Variants in SHTN1 observed in about 807,000 individuals in gnomAD.
SHTN1 encodes the protein shootin-1.
A neutral mutation model predicts 83.1 loss-of-function variants in SHTN1; 42 were observed. The ratio of observed to expected loss-of-function variants is 0.51; its 90% CI spans 0.39 to 0.65. SHTN1 has a LOEUF of 0.65. Ranked by LOEUF, SHTN1 falls within the 30% of genes least tolerant of loss-of-function variation. SHTN1 has a pLI of 0.00. For synonymous variants in SHTN1, 224 were observed against 247.7 expected, an observed-to-expected ratio of 0.90 and a Z score of 0.90; for missense variants, 622 against 737.8, an observed-to-expected ratio of 0.84 and a Z score of 1.82.
At chr10:116,893,807 T>C (rs755973844) in intron 16 of SHTN1, among the ~76,000 whole-genome samples, 5 of 152,196 alleles carry the variant, frequency 3.3e-5, no homozygotes, top group Non-Finnish European at 5.9e-5. Flanking sequence ...GAGAGAATAA[T>C]TTTATGCCAA....
At chr10:117,120,862 T>C (rs948351963) in intron 1 of SHTN1, among the ~76,000 whole-genome samples, 9 of 151,102 alleles carry the variant, frequency 6.0e-5, no homozygotes, top group African/African-American at 2.2e-4. Flanking sequence ...CAGGCTGAAG[T>C]ACAGTGGCAC....
At chr10:116,981,361 T>A (rs761734729) in intron 1 of SHTN1, among the ~76,000 whole-genome samples, 6 of 152,126 alleles carry the variant, frequency 3.9e-5, no homozygotes, top group Non-Finnish European at 8.8e-5. Flanking sequence ...AGAAAAAGAT[T>A]TGACTGACCT....
chr10:116,934,277 TA>T lies in SHTN1; in HGVS notation c.859-4276del, dbSNP rs1196692181. 2.0e-5 allele frequency among the ~76,000 whole-genome samples: 3 copies of T among 152,210 alleles called. No homozygotes were observed. The East Asian group carries it at 5.8e-4, about 29-fold the overall frequency. Reference sequence around the variant, plus strand: ...GAATGGTATTGCCTAGATTTTCTCCTAGGGTTTTTATGGTTTTAGGTCTTAC... The same window carrying T: ...GAATGGTATTGCCTAGATTTTCTCCTGGGTTTTTATGGTTTTAGGTCTTAC... On this transcript the variant is annotated intron_variant, in intron 9 of 16. Coordinates refer to ENST00000355371, the MANE Select transcript of SHTN1 (RefSeq NM_001127211.3).
intron 1 of SHTN1, among the ~76,000 whole-genome samples, chr10:116,981,969 AATCGCTTG>A (rs1851036619): frequency 6.6e-6 from 1 of 152,192 alleles, no homozygotes; most frequent in Admixed American, 6.5e-5. Context: ...AAGGCAGAAG[AATCGCTTG>A]ATCCCGGGAG....
intron 1 of SHTN1, among the ~76,000 whole-genome samples, chr10:117,061,135 CTTTTTT>C (rs5788206): frequency 7.9e-6 from 1 of 127,264 alleles, no homozygotes; most frequent in East Asian, 2.2e-4. Flanking sequence ...AAGCTTTAGT[CTTTTTT>C]TTTTTTTTTC....
At chr10:117,083,518 A>G (rs555013677) in intron 1 of SHTN1, among the ~76,000 whole-genome samples, 5 of 151,496 alleles carry the variant, frequency 3.3e-5, no homozygotes, top group African/African-American at 9.7e-5. Flanking sequence ...TGTGTCTTGG[A>G]GTTGCTCTTC....
chr10:116,958,119 T>A (rs1240900026), intron 4 of SHTN1, among the ~76,000 whole-genome samples: 3 of 152,102 alleles, frequency 2.0e-5, no homozygotes, highest in East Asian at 3.9e-4. Context: ...AACATTCCAT[T>A]TGTCATTAAT....
intron 1 of SHTN1, among the ~76,000 whole-genome samples, chr10:117,064,032 T>C (rs1852936743): frequency 6.6e-6 from 1 of 152,220 alleles, no homozygotes; most frequent in Non-Finnish European, 1.5e-5. Context: ...AATAACTTTA[T>C]GAAAACTTCT....
At chr10:116,939,525 G>A (rs1281665824) in intron 9 of SHTN1, among the ~76,000 whole-genome samples, 1 of 152,206 alleles carries the variant, frequency 6.6e-6, no homozygotes, top group Non-Finnish European at 1.5e-5. Context: ...AGTGAGATGA[G>A]CCGGGTACCC....
chr10:116,914,709 A>T (rs1295254992), intron 13 of SHTN1, among the ~76,000 whole-genome samples: 1 of 152,160 alleles, frequency 6.6e-6, no homozygotes, highest in Non-Finnish European at 1.5e-5. Flanking sequence ...TAAAACTATT[A>T]TTGGGCTTAT....
At chr10:116,923,620 G>A (rs1848639775) in intron 11 of SHTN1, among the ~76,000 whole-genome samples, 1 of 151,552 alleles carries the variant, frequency 6.6e-6, no homozygotes, top group South Asian at 2.1e-4. Flanking sequence ...CAAGGGCACA[G>A]TCACCACTCA....
intron 9 of SHTN1, among the ~76,000 whole-genome samples, chr10:116,935,998 G>C (rs1849145285): frequency 6.6e-6 from 1 of 151,950 alleles, no homozygotes; most frequent in Non-Finnish European, 1.5e-5. Flanking sequence ...TATTTCTGTG[G>C]GATCGGTGGT....
intron 2 of SHTN1, among the ~76,000 whole-genome samples, chr10:117,032,893 A>C (rs993512342): frequency 6.6e-6 from 1 of 152,214 alleles, no homozygotes; most frequent in Non-Finnish European, 1.5e-5. Context: ...GGAATTTTGG[A>C]AACTATACAA....
At chr10:116,968,438 T>C (rs987484420) in intron 3 of SHTN1, among the ~76,000 whole-genome samples, 5 of 152,236 alleles carry the variant, frequency 3.3e-5, no homozygotes, top group Non-Finnish European at 7.3e-5. Flanking sequence ...ATAACAAGTA[T>C]AGGTTTTTCT....
rs1850491430 is a variant in SHTN1, at chr10:116,968,772, G to A, written c.112-60C>T. On this transcript the variant is annotated intron_variant, in intron 2 of 16. Transcript: ENST00000355371. ...AATCATAAATTTTAAGTTTGAAAAG[G>A]CAAGCAAGAGCAAACTTATAAACAA... 6 of 1,281,216 alleles carry A rather than the reference G, an allele frequency of 4.7e-6. No homozygotes were observed. The East Asian group carries it at 1.4e-4, about 30-fold the overall frequency. The allele number at this position is 1,281,216 out of a possible 1,614,324, so 79.4% of individuals were successfully genotyped here.
At chr10:116,944,866 G>A in intron 8 of SHTN1, 58 bp downstream of exon 8, 1 of 1,095,658 alleles carries the variant, frequency 9.1e-7, no homozygotes. Context: ...ACTCCAGCCT[G>A]GTGACAGAGC....
At chr10:116,906,599 G>C (rs1847980372) in intron 15 of SHTN1, 28 bp downstream of exon 15, 2 of 1,593,786 alleles carry the variant, frequency 1.3e-6, no homozygotes, top group Non-Finnish European at 1.7e-6. Flanking sequence ...ATGAAGAGAA[G>C]GACTGTGGAG....
chr10:116,911,675 G>A, intron 14 of SHTN1, 115 bp downstream of exon 14: 1 of 1,577,534 alleles, frequency 6.3e-7, no homozygotes, highest in Non-Finnish European at 8.7e-7. Flanking sequence ...CCAAAGATGA[G>A]GCTAATTGTA....
intron 1 of SHTN1, among the ~76,000 whole-genome samples, chr10:116,979,934 G>A (rs1271940554): frequency 2.0e-5 from 3 of 152,192 alleles, no homozygotes; most frequent in Non-Finnish European, 2.9e-5. Flanking sequence ...ACTATTTTCA[G>A]ACAAGATTGT....
Sources: allele counts gnomAD v4.1 joint callset (sites outside exome capture counted in the v4.1 genomes callset), GRCh38; gene constraint gnomAD v4.1.1; transcripts MANE v1.5; gene names NCBI Gene and HGNC (gene_info 2026-07-23, HGNC 2026-07-21).